Variants in CTNND2 observed in about 807,000 individuals in gnomAD.
CTNND2 encodes the protein catenin delta-2.
In CTNND2, 22 loss-of-function variants were observed where a neutral mutation model predicts 144.4. The observed-to-expected ratio is 0.15, with a 90% confidence interval of 0.11 to 0.22. The LOEUF (loss-of-function observed/expected upper bound fraction) is 0.22. Among genes scored for constraint, CTNND2 ranks in the 10% least tolerant of loss-of-function variants. CTNND2 has a pLI of 1.00. For missense variants in CTNND2, 1,353 were observed against 1,618.8 expected, an observed-to-expected ratio of 0.84 and a Z score of 2.82; for synonymous variants, 751 against 695.6, an observed-to-expected ratio of 1.08 and a Z score of -1.25.
At chr5:11,060,430 A>C (rs564746585) in intron 16 of CTNND2, among the ~76,000 whole-genome samples, 1 of 152,192 alleles carries the variant, frequency 6.6e-6, no homozygotes, top group South Asian at 2.1e-4. Flanking sequence ...AAATTACCTG[A>C]CAGATAAAAA....
chr5:11,879,888 T>C (rs376494076), intron 1 of CTNND2, among the ~76,000 whole-genome samples: 1 of 152,178 alleles, frequency 6.6e-6, no homozygotes, highest in African/African-American at 2.4e-5. Flanking sequence ...GAGCTGGGCA[T>C]GGTCACATGG....
chr5:10,973,443 G>A lies in CTNND2; in HGVS notation c.*10C>T. 1 of 1,576,576 alleles carries A rather than the reference G, an allele frequency of 6.3e-7. No homozygotes were observed. Among genetic ancestry groups the A allele is most frequent in the Non-Finnish European group, 8.6e-7 (1 of 1,159,702 alleles). On this transcript the variant is annotated 3_prime_UTR_variant, in exon 22 of 22. Coordinates refer to ENST00000304623, the MANE Select transcript of CTNND2 (RefSeq NM_001332.4). The surrounding 1 kb of genome is among the most constrained non-coding windows in gnomAD (Gnocchi z 5.6). ...CATGCACTGTTCCCGGAGCGCCTGT[G>A]CCCTGCTCCTCACACCCAGGAGTCG... is the stretch of plus-strand genomic sequence containing the variant.
intron 3 of CTNND2, among the ~76,000 whole-genome samples, chr5:11,460,150 A>C (rs1221008181): frequency 6.6e-6 from 1 of 152,126 alleles, no homozygotes; most frequent in Admixed American, 6.5e-5. Context: ...CTACAAATAC[A>C]CTCAGAGGGA....
At chr5:11,083,876 C>G in intron 15 of CTNND2, 1 of 1,122,020 alleles carries the variant, frequency 8.9e-7, no homozygotes, top group Non-Finnish European at 1.1e-6. Flanking sequence ...AGAGCTGGCT[C>G]TCACCTGTGG....
intron 18 of CTNND2, among the ~76,000 whole-genome samples, chr5:11,005,747 T>A (rs1197421465): frequency 2.0e-5 from 3 of 152,212 alleles, no homozygotes; most frequent in Non-Finnish European, 4.4e-5. Context: ...TTACAGCTGA[T>A]GAGCCATCTA....
chr5:11,374,763 G>T (rs1221080904), intron 7 of CTNND2, among the ~76,000 whole-genome samples: 5 of 144,260 alleles, frequency 3.5e-5, no homozygotes, highest in Non-Finnish European at 7.5e-5. Context: ...AGAACAAGGT[G>T]CTCCCAATCT....
chr5:11,240,394 C>CCAACACACACACA (rs1742179184), intron 9 of CTNND2, among the ~76,000 whole-genome samples: 1 of 103,416 alleles, frequency 9.7e-6, no homozygotes, highest in Non-Finnish European at 1.9e-5. Flanking sequence ...ACTCACACAC[C>CCAACACACACACA]CAACACACAC....
Position 11,399,109 on chromosome 5 carries a change from A to G in CTNND2, c.440-1906T>C, listed in dbSNP as rs140749657. ...TGGGAGTGAGCTATGGTGGAAAAGCAAAGGCCTTTTCAGCTGGGTGGTCAC... is the reference window on the plus strand; with the variant it reads ...TGGGAGTGAGCTATGGTGGAAAAGCGAAGGCCTTTTCAGCTGGGTGGTCAC... On this transcript the variant is annotated intron_variant, in intron 5 of 21. Transcript: ENST00000304623. 2.6e-3 allele frequency among the ~76,000 whole-genome samples: 391 copies of G among 152,298 alleles called. 2 individuals carry two copies. Among genetic ancestry groups the G allele is most frequent in the Non-Finnish European group, 3.9e-3 (268 of 68,020 alleles).
At chr5:11,491,038 G>C (rs1415764440) in intron 3 of CTNND2, among the ~76,000 whole-genome samples, 1 of 152,120 alleles carries the variant, frequency 6.6e-6, no homozygotes, top group African/African-American at 2.4e-5. Context: ...GACTGTTTAG[G>C]AGGGGAACTG....
intron 3 of CTNND2, among the ~76,000 whole-genome samples, chr5:11,428,587 T>C (rs1762998911): frequency 6.6e-6 from 1 of 152,190 alleles, no homozygotes; most frequent in South Asian, 2.1e-4. Flanking sequence ...ACCACATTCT[T>C]CCTTTTTTGT....
rs973101735 is a variant in CTNND2, at chr5:11,618,974, G to A, written c.175-53918C>T. ...AAAATTATGCAACTTTGGAACTTGTGTGAATTCAAGAAATATATTTTGCAA... is the reference window on the plus strand; with the variant it reads ...AAAATTATGCAACTTTGGAACTTGTATGAATTCAAGAAATATATTTTGCAA... On this transcript the variant is annotated intron_variant, in intron 2 of 21. Coordinates refer to ENST00000304623, the MANE Select transcript of CTNND2 (RefSeq NM_001332.4). Among the ~76,000 whole-genome samples, 3 of 152,222 alleles carry A rather than the reference G, an allele frequency of 2.0e-5. No individual in the cohort carries two copies. The East Asian group carries it at 5.8e-4, about 29-fold the overall frequency.
intron 9 of CTNND2, among the ~76,000 whole-genome samples, chr5:11,329,022 G>A (rs548591026): frequency 2.0e-5 from 3 of 152,190 alleles, no homozygotes; most frequent in Non-Finnish European, 4.4e-5. Context: ...TTGGCTTGTA[G>A]ATGAACAAAT....
intron 15 of CTNND2, among the ~76,000 whole-genome samples, chr5:11,085,652 T>A (rs1408143423): frequency 2.6e-5 from 4 of 152,124 alleles, no homozygotes; most frequent in African/African-American, 7.2e-5. Flanking sequence ...TGGAATATAT[T>A]TGAAAGAGAA....
At chr5:11,718,235 C>T (rs1561727075) in intron 2 of CTNND2, among the ~76,000 whole-genome samples, 1 of 152,166 alleles carries the variant, frequency 6.6e-6, no homozygotes, top group Non-Finnish European at 1.5e-5. Context: ...CACAAGGACA[C>T]TTTGCACAGC....
At chr5:11,008,684 A>G (rs1291641141) in intron 18 of CTNND2, among the ~76,000 whole-genome samples, 1 of 152,186 alleles carries the variant, frequency 6.6e-6, no homozygotes, top group East Asian at 1.9e-4. Context: ...AGTTGCAAAA[A>G]TGGTGGACAA....
intron 12 of CTNND2, among the ~76,000 whole-genome samples, chr5:11,145,572 C>T (rs1048893375): frequency 3.3e-5 from 5 of 152,172 alleles, no homozygotes; most frequent in African/African-American, 1.2e-4. Flanking sequence ...AGGACAGAGT[C>T]TAGGATCTGC....
At chr5:11,096,824 A>G (rs1382103462) in intron 15 of CTNND2, among the ~76,000 whole-genome samples, 1 of 151,878 alleles carries the variant, frequency 6.6e-6, no homozygotes, top group South Asian at 2.1e-4. Context: ...AGAGAGAGAG[A>G]AACAACATCT....
At chr5:11,386,258 T>C (rs1175476201) in intron 6 of CTNND2, among the ~76,000 whole-genome samples, 4 of 151,910 alleles carry the variant, frequency 2.6e-5, no homozygotes, top group Admixed American at 2.0e-4. Context: ...GGGAGTAGGA[T>C]TGTACACAGA....
At chr5:11,003,592 G>A (rs1462031692) in intron 18 of CTNND2, among the ~76,000 whole-genome samples, 1 of 152,186 alleles carries the variant, frequency 6.6e-6, no homozygotes, top group African/African-American at 2.4e-5. Flanking sequence ...CTGATGCACA[G>A]TCTGTGTGAC....
Sources: gnomAD v4.1 joint callset for allele counts (sites outside exome capture counted in the v4.1 genomes callset) on GRCh38, gnomAD v4.1.1 for gene constraint, Gnocchi (gnomAD v3.1) non-coding constraint, MANE v1.5 for transcripts, NCBI Gene and HGNC (gene_info 2026-07-23, HGNC 2026-07-21) for gene names.